Variants in PTPRD observed in about 807,000 individuals in gnomAD.
The protein encoded by PTPRD is receptor-type tyrosine-protein phosphatase delta.
Under a neutral mutation model 214.5 loss-of-function variants are expected in PTPRD, and 34 were observed. The observed-to-expected ratio is 0.16, with a 90% CI of 0.12 to 0.21. PTPRD has a LOEUF of 0.21. Among genes scored for constraint, PTPRD ranks in the 10% least tolerant of loss-of-function variants. The pLI is 1.00. For missense variants in PTPRD, 2,545 were observed against 2,398.7 expected (o/e 1.06, Z -1.27); for synonymous variants, 1,128 against 845.7 (o/e 1.33, Z -5.79).
At position 9,309,625 on chromosome 9, in the gene PTPRD, C is replaced by T. The variant is rs565364968; in HGVS notation, c.-203+87824G>A. 8.5e-5 allele frequency among the ~76,000 whole-genome samples: 13 copies of T among 152,230 alleles called. No homozygotes were observed. In the South Asian group the frequency reaches 2.1e-3, roughly 24 times the overall value. ...ATCAAAGAGAGACTCTAAAAGAATA[C>T]TAACCCACCATACACAGTATAATCT... On this transcript the variant is annotated intron_variant, in intron 9 of 45. Coordinates refer to ENST00000381196, the MANE Select transcript of PTPRD (RefSeq NM_002839.4).
At chr9:9,407,222 T>C (rs1427557929) in intron 8 of PTPRD, among the ~76,000 whole-genome samples, 1 of 151,772 alleles carries the variant, frequency 6.6e-6, no homozygotes, top group African/African-American at 2.4e-5. Flanking sequence ...CTTTTTTGGC[T>C]CCATTTCTGA....
intron 8 of PTPRD, chr9:9,442,212 G>A (rs2088276055): frequency 6.6e-6 from 1 of 152,210 alleles, no homozygotes. Flanking sequence ...CCCGGGAGCG[G>A]GGGACCACCA....
intron 9 of PTPRD, among the ~76,000 whole-genome samples, chr9:9,314,647 G>A (rs920151537): frequency 2.6e-5 from 4 of 151,948 alleles, no homozygotes; most frequent in South Asian, 2.1e-4. Context: ...GGTAATAAAT[G>A]CCTGTTCAAT....
At chr9:9,989,016 C>CAAAAAAAAAAAAAAAAAA (rs397836899) in intron 4 of PTPRD, among the ~76,000 whole-genome samples, 17 of 36,282 alleles carry the variant, frequency 4.7e-4, no homozygotes, top group African/African-American at 1.3e-3. Context: ...TTTCACTGAC[C>CAAAAAAAAAAAAAAAAAA]AAAAAAAAAA....
chr9:9,155,075 C>T (rs1184544909), intron 10 of PTPRD, among the ~76,000 whole-genome samples: 3 of 152,044 alleles, frequency 2.0e-5, no homozygotes, highest in Non-Finnish European at 4.4e-5. Flanking sequence ...ATAACGAGAT[C>T]AAGAGACACA....
At chr9:9,650,790 ATCT>A (rs1288905304) in intron 7 of PTPRD, among the ~76,000 whole-genome samples, 1 of 152,130 alleles carries the variant, frequency 6.6e-6, no homozygotes, top group East Asian at 1.9e-4. Flanking sequence ...TGAAAAAAAA[ATCT>A]TCAGTATGTC....
intron 5 of PTPRD, among the ~76,000 whole-genome samples, chr9:9,917,640 A>G (rs1295120857): frequency 1.3e-5 from 2 of 151,950 alleles, no homozygotes; most frequent in East Asian, 1.9e-4. Context: ...AAAAATAGCT[A>G]AACAGAAAAC....
chr9:9,435,796 T>C (rs2085007016), intron 8 of PTPRD, among the ~76,000 whole-genome samples: 1 of 152,190 alleles, frequency 6.6e-6, no homozygotes, highest in African/African-American at 2.4e-5. Context: ...ATTAGAAACC[T>C]GTGGGATATA....
At chr9:8,953,534 G>T (rs1164841171) in intron 11 of PTPRD, among the ~76,000 whole-genome samples, 1 of 151,990 alleles carries the variant, frequency 6.6e-6, no homozygotes, top group Non-Finnish European at 1.5e-5. Flanking sequence ...CACAGCAAGA[G>T]AAATTATCAA....
chr9:9,510,570 C>T (rs556841618), intron 8 of PTPRD, among the ~76,000 whole-genome samples: 21 of 151,510 alleles, frequency 1.4e-4, no homozygotes, highest in African/African-American at 5.1e-4. Context: ...AAAAAGAATG[C>T]TTCTGCTTTA....
chr9:10,453,813 T>C (rs190100911), intron 2 of PTPRD, among the ~76,000 whole-genome samples: 1 of 151,644 alleles, frequency 6.6e-6, no homozygotes, highest in African/African-American at 2.4e-5. Flanking sequence ...CTAATTGTTG[T>C]TTAGGATTTT....
chr9:10,479,945 T>G (rs1400444909), intron 2 of PTPRD, among the ~76,000 whole-genome samples: 1 of 152,102 alleles, frequency 6.6e-6, no homozygotes, highest in African/African-American at 2.4e-5. Flanking sequence ...GGTCTTAAAA[T>G]TTTTCGTTTT....
chr9:10,390,911 T>C (rs2098048788), intron 2 of PTPRD, among the ~76,000 whole-genome samples: 1 of 151,814 alleles, frequency 6.6e-6, no homozygotes, highest in African/African-American at 2.4e-5. Context: ...CATTATAAAA[T>C]TATTGGTCCA....
chr9:9,048,428 TA>T (rs2099677782), intron 10 of PTPRD, among the ~76,000 whole-genome samples: 1 of 152,082 alleles, frequency 6.6e-6, no homozygotes, highest in Non-Finnish European at 1.5e-5. Flanking sequence ...GATGGATGGA[TA>T]AATAAAATGT....
chr9:8,899,184 T>G (rs1358405978), intron 11 of PTPRD, among the ~76,000 whole-genome samples: 1 of 152,166 alleles, frequency 6.6e-6, no homozygotes, highest in African/African-American at 2.4e-5. Context: ...ATCTTGCATT[T>G]GCTACAGAGG....
At chr9:10,337,691 G>A (rs761401748) in intron 3 of PTPRD, among the ~76,000 whole-genome samples, 14 of 151,622 alleles carry the variant, frequency 9.2e-5, no homozygotes, top group Non-Finnish European at 1.6e-4. Context: ...TTATACTTAT[G>A]TGTCAGGAAC....
intron 9 of PTPRD, among the ~76,000 whole-genome samples, chr9:9,192,986 T>C (rs1436543419): frequency 1.3e-5 from 2 of 152,114 alleles, no homozygotes; most frequent in Admixed American, 6.6e-5. Flanking sequence ...GCTTGATTAT[T>C]TTCCTTTGAA....
At chr9:9,502,076 A>C (rs1036483953) in intron 8 of PTPRD, among the ~76,000 whole-genome samples, 3 of 151,890 alleles carry the variant, frequency 2.0e-5, no homozygotes, top group African/African-American at 7.2e-5. Flanking sequence ...AAACATATTC[A>C]TCACCTCCTA....
At chr9:9,388,676 T>C (rs1174030311) in intron 9 of PTPRD, among the ~76,000 whole-genome samples, 2 of 152,146 alleles carry the variant, frequency 1.3e-5, no homozygotes, top group East Asian at 1.9e-4. Flanking sequence ...GTTTTAAATA[T>C]ACGAGCTGAA....
Sources: allele counts gnomAD v4.1 joint callset (sites outside exome capture counted in the v4.1 genomes callset), GRCh38; gene constraint gnomAD v4.1.1; transcripts MANE v1.5; gene names NCBI Gene and HGNC (gene_info 2026-07-23, HGNC 2026-07-21).